DHX58: variants seen among roughly 807,000 people sequenced by gnomAD.
DHX58 encodes the protein DExH-box helicase 58.
A neutral mutation model predicts 65.0 loss-of-function variants in DHX58; 51 were observed. That is an observed-to-expected ratio of 0.78 (90% CI 0.63 to 0.99). The LOEUF is 0.99. DHX58 is among the 50% of genes least tolerant of loss of function. DHX58 has a pLI of 0.00. For synonymous variants in DHX58, 350 were observed against 365.0 expected (o/e 0.96, Z 0.47); for missense variants, 773 against 891.8 (o/e 0.87, Z 1.70).
chr17:42,102,487 A>G (rs2053994647), intron 12 of DHX58, 175 bp from the exon 13 acceptor site: 14 of 596,128 alleles, frequency 2.3e-5, no homozygotes, highest in Non-Finnish European at 3.6e-5. Context: ...TGTGGCCTCC[A>G]TCGCACGTTC....
In DHX58 at chr17:42,103,765, G is replaced by A. The variant is rs550758764; in HGVS notation, c.1597C>T (p.Arg533Trp). The change falls in exon 12 of 14, where the codon CGG becomes TGG. Residue 533 changes from arginine (R) to tryptophan (W), a missense_variant. Coordinates refer to ENST00000251642, the MANE Select transcript of DHX58 (RefSeq NM_024119.3). ...TCCCGCTGGGCTGCCTGGGCCGCCCGCTTGGTCAAGGCTGCCTGCTGCAGA... is the reference window on the plus strand; with the variant it reads ...TCCCGCTGGGCTGCCTGGGCCGCCCACTTGGTCAAGGCTGCCTGCTGCAGA... The part of the protein sequence containing the change: ...RDLQQAALTK[R>W]AAQAAQRENQ... The A allele has an allele frequency of 3.1e-5, 50 of 1,610,410 alleles. No homozygotes were observed. Among genetic ancestry groups the A allele is most frequent in the Non-Finnish European group, 4.1e-5 (48 of 1,179,946 alleles).
At chr17:42,104,712 G>T in intron 11 of DHX58, 54 bp downstream of exon 11, 1 of 1,598,398 alleles carries the variant, frequency 6.3e-7, no homozygotes, top group East Asian at 2.2e-5. Flanking sequence ...ACCTGCCAGG[G>T]AGGGGCTCCC....
At chr17:42,108,705 C>G (rs1231146420) in intron 6 of DHX58, among the ~76,000 whole-genome samples, 1 of 152,238 alleles carries the variant, frequency 6.6e-6, no homozygotes, top group African/African-American at 2.4e-5. Flanking sequence ...AGAGCAGCTG[C>G]AGGCGTGGGG....
At position 42,111,460 on chromosome 17, in the gene DHX58, C is replaced by T. The variant is rs143989971; in HGVS notation, c.206G>A (p.Arg69His). ...LVTQHGEEFR[R>H]MLDGRWTVTT... ...CACGGTCCAGCGTCCATCCAGCATG[C>T]GCCTGAACTCTTCACCATGCTGGGT... is the stretch of plus-strand genomic sequence containing the variant. The change falls in exon 4 of 14, where the codon CGC becomes CAC. Residue 69 changes from arginine (R) to histidine (H), a missense_variant. By Grantham distance (29) the Arg-to-His change is conservative. Coordinates refer to ENST00000251642, the MANE Select transcript of DHX58 (RefSeq NM_024119.3). 6.0e-5 allele frequency: 97 copies of T among 1,613,972 alleles called. No homozygotes were observed. Among genetic ancestry groups the T allele is most frequent in the African/African-American group, 5.2e-4 (39 of 74,938 alleles).
At chr17:42,102,419 G>T in intron 12 of DHX58, 107 bp from the exon 13 acceptor site, 1 of 950,846 alleles carries the variant, frequency 1.1e-6, no homozygotes, top group Admixed American at 1.9e-5. Context: ...CCTTCCTGCT[G>T]GTTAAGAGGC....
intron 5 of DHX58, 126 bp downstream of exon 5, chr17:42,110,596 AG>A: frequency 9.7e-7 from 1 of 1,031,822 alleles, no homozygotes; most frequent in Non-Finnish European, 1.4e-6. Flanking sequence ...TAGGTGAGGA[AG>A]GGGCCAGACC....
rs782588349 is a variant in DHX58 at position 42,102,326 on chromosome 17, G to C, written c.1755-14C>G. ...TTATAGTAGTTCCTGGAGAGGAAGG[G>C]GGGTGGCCACAGCCCTCATTGACCC... On this transcript the variant is annotated splice_polypyrimidine_tract_variant and intron_variant, in intron 12 of 13. Coordinates refer to ENST00000251642, the MANE Select transcript of DHX58 (RefSeq NM_024119.3). 2.5e-5 allele frequency: 40 copies of C among 1,611,766 alleles called. No individual in the cohort carries two copies. Among genetic ancestry groups the C allele is most frequent in the Non-Finnish European group, 3.3e-5 (39 of 1,178,090 alleles).
rs782236999 is a variant in DHX58, at chr17:42,107,632, G to A, written c.969C>T (p.Ala323=). The A allele has an allele frequency of 6.9e-6, 11 of 1,594,344 alleles. No individual in the cohort carries two copies. In the Admixed American group the frequency reaches 1.9e-4, roughly 27 times the overall value. ...CGAACAGGGCCAGCAGCCGGCGCTC[G>A]GCACACAGGATCTGGGTTTTAGTGA... ...EHVTKTQILC[A]ERRLLALFDD... The change falls in exon 8 of 14, where the codon GCC becomes GCT. Residue 323 remains alanine, a synonymous_variant. Transcript: ENST00000251642.
intron 8 of DHX58, among the ~76,000 whole-genome samples, chr17:42,106,474 A>G (rs2054062145): frequency 6.6e-6 from 1 of 151,066 alleles, no homozygotes; most frequent in Non-Finnish European, 1.5e-5. Flanking sequence ...CTCCTGCTCA[A>G]CTCCCCCACA....
intron 6 of DHX58, among the ~76,000 whole-genome samples, chr17:42,108,500 G>C (rs996849798): frequency 2.0e-5 from 3 of 152,234 alleles, no homozygotes; most frequent in African/African-American, 7.2e-5. Flanking sequence ...CCCTGCTGAC[G>C]CTGTTCACGG....
In DHX58 at chr17:42,111,799, G is replaced by A. The variant is rs782139164; in HGVS notation, c.94C>T (p.Arg32Trp). Residue 32 changes from arginine (R) to tryptophan (W), a missense_variant, in exon 3 of 14, where the codon CGG (arginine) becomes TGG (tryptophan). Transcript: ENST00000251642. ...IWLPTGAGKT[R>W]AAAYVAKRHL... is the part of the protein sequence containing the mutation. ...CGCTTGGCCACATAAGCAGCCGCCC[G>A]GGTCTTCCCGGCACCCGTGGGCAGC... is the stretch of plus-strand genomic sequence containing the variant. The A allele has an allele frequency of 1.1e-5, 18 of 1,613,932 alleles. No homozygotes were observed. Among genetic ancestry groups the A allele is most frequent in the Middle Eastern group, 1.6e-4 (1 of 6,084 alleles).
chr17:42,103,572 G>T, intron 12 of DHX58, 36 bp downstream of exon 12: 1 of 1,610,590 alleles, frequency 6.2e-7, no homozygotes, highest in East Asian at 2.2e-5. Context: ...AGGATTCCCA[G>T]GCCCCCATCC....
Position 42,109,261 on chromosome 17 carries a change from C to A in DHX58, c.678+9G>T, listed in dbSNP as rs1293504537. 1.1e-5 allele frequency: 18 copies of A among 1,607,372 alleles called. No individual in the cohort carries two copies. The Admixed American group carries it at 1.3e-4, about 12-fold the overall frequency. On this transcript the variant is annotated intron_variant, in intron 6 of 13. Transcript: ENST00000251642. ...CTCCCGCTCTCGCCGTGTCCCTGCC[C>A]CCGCGTACCTGGCTGCGCCTGTGGC...
In DHX58 at chr17:42,110,926, G is replaced by T. The variant is rs374706813; in HGVS notation, c.371-13C>A. 1.0e-5 allele frequency: 16 copies of T among 1,587,576 alleles called. No individual in the cohort carries two copies. Among genetic ancestry groups the T allele is most frequent in the African/African-American group, 5.4e-5 (4 of 74,230 alleles). ...ATCAGGGAGAAGACTGAGGGCACAG[G>T]GGGGAAGGCTGTGACCTATGTTTGC... On this transcript the variant is annotated splice_polypyrimidine_tract_variant and intron_variant, in intron 4 of 13. Transcript: ENST00000251642.
intron 8 of DHX58, among the ~76,000 whole-genome samples, chr17:42,107,130 G>A (rs1306050718): frequency 6.6e-6 from 1 of 152,168 alleles, no homozygotes; most frequent in Admixed American, 6.5e-5. Flanking sequence ...GGGAGGCAGA[G>A]GCAGGAGGAT....
rs1555662593 is a variant in DHX58, at chr17:42,105,994, C to T, written c.998-5G>A. ...GGGCCAGCTCATTCTTGCGGTCTGTCAAAAACCCCAAAATTTAGCTGGGTG... is the reference window on the plus strand; with the variant it reads ...GGGCCAGCTCATTCTTGCGGTCTGTTAAAAACCCCAAAATTTAGCTGGGTG... On this transcript the variant is annotated splice_polypyrimidine_tract_variant and splice_region_variant and intron_variant, in intron 8 of 13. Transcript: ENST00000251642. 1 of 1,608,096 alleles carries T rather than the reference C, an allele frequency of 6.2e-7. No homozygotes were observed. The highest frequency in any genetic ancestry group is 1.1e-5 in the South Asian group (1 of 90,360).
chr17:42,104,621 C>T, intron 11 of DHX58, 145 bp downstream of exon 11: 1 of 1,082,168 alleles, frequency 9.2e-7, no homozygotes, highest in Non-Finnish European at 1.3e-6. Context: ...CCACCCCGGC[C>T]CTTATTTAAA....
At position 42,110,446 on chromosome 17, in the gene DHX58, C is replaced by T. The variant is rs187176941; in HGVS notation, c.561+277G>A. ...ACATGTTCAACATGCAGAAGGCAGG[C>T]CAGTGTAACTGTAGGATGAGCTACA... is the stretch of plus-strand genomic sequence containing the variant. On this transcript the variant is annotated intron_variant, in intron 5 of 13. Transcript: ENST00000251642. 5.3e-5 allele frequency among the ~76,000 whole-genome samples: 8 copies of T among 152,210 alleles called. No individual in the cohort carries two copies. In the East Asian group the frequency reaches 1.5e-3, roughly 29 times the overall value.
intron 4 of DHX58, 117 bp downstream of exon 4, chr17:42,111,179 A>G (rs2144013930): frequency 7.5e-7 from 1 of 1,331,328 alleles, no homozygotes; most frequent in Non-Finnish European, 1.0e-6. Flanking sequence ...TTTTGTGAAC[A>G]GGCAACCCCT....
Sources: allele counts gnomAD v4.1 joint callset (sites outside exome capture counted in the v4.1 genomes callset), GRCh38; gene constraint gnomAD v4.1.1; transcripts MANE v1.5; gene names NCBI Gene and HGNC (gene_info 2026-07-23, HGNC 2026-07-21).